ZNF385C: variants seen among roughly 807,000 people sequenced by gnomAD.
ZNF385C encodes zinc finger protein 385C.
A neutral mutation model predicts 35.4 loss-of-function variants in ZNF385C; 28 were observed. That is an observed-to-expected ratio of 0.79 (90% CI 0.59 to 1.08). ZNF385C has a LOEUF of 1.08. ZNF385C is among the 50% of genes least tolerant of loss of function. The probability of loss-of-function intolerance (pLI) is 0.00; values close to 1 mark genes in which losing one functional copy is unlikely to be tolerated. For synonymous variants in ZNF385C, 248 were observed against 248.2 expected, an observed-to-expected ratio of 1.00 and a Z score of 0.01; for missense variants, 605 against 595.6, an observed-to-expected ratio of 1.02 and a Z score of -0.16.
intron 1 of ZNF385C, among the ~76,000 whole-genome samples, chr17:42,075,512 T>C (rs944595344): frequency 2.0e-5 from 3 of 149,810 alleles, no homozygotes; most frequent in Admixed American, 6.6e-5. Context: ...TTTTTTTTTT[T>C]CTGATGGAGT....
chr17:42,092,456 C>T (rs1467778778), intron 1 of ZNF385C, among the ~76,000 whole-genome samples: 2 of 151,976 alleles, frequency 1.3e-5, no homozygotes, highest in Non-Finnish European at 2.9e-5. Context: ...TGGGATGAGG[C>T]AGTTCTGTAT....
At chr17:42,030,856 C>A (rs1423088570) in intron 5 of ZNF385C, among the ~76,000 whole-genome samples, 1 of 141,660 alleles carries the variant, frequency 7.1e-6, no homozygotes, top group Non-Finnish European at 1.6e-5. Flanking sequence ...TGGAGTGATG[C>A]GTCTATAAGC....
chr17:42,040,304 G>T, intron 2 of ZNF385C: 1 of 1,231,738 alleles, frequency 8.1e-7, no homozygotes, highest in Non-Finnish European at 1.0e-6. Flanking sequence ...GAGTAACCGA[G>T]CAGCTCCACG....
chr17:42,051,142 G>T (rs1555657085), intron 2 of ZNF385C, among the ~76,000 whole-genome samples: 1 of 151,924 alleles, frequency 6.6e-6, no homozygotes, highest in Non-Finnish European at 1.5e-5. Flanking sequence ...TGAAGAATTG[G>T]GGTGGGTGGG....
chr17:42,060,847 C>T (rs1408802780), intron 2 of ZNF385C, among the ~76,000 whole-genome samples: 6 of 152,108 alleles, frequency 3.9e-5, no homozygotes, highest in Admixed American at 2.0e-4. Flanking sequence ...TCCCAAGTAG[C>T]GGGGACTACA....
chr17:42,069,532 G>A lies in ZNF385C; in HGVS notation c.-2-6474C>T, dbSNP rs143134096. ...GGCTGCTTCTCCTAAAGAGGTAACC[G>A]GAGAGGAAGGTTCGAGACCTGTCCC... On this transcript the variant is annotated intron_variant, in intron 1 of 8. Transcript: ENST00000692273. Among the ~76,000 whole-genome samples the A allele has an allele frequency of 1.1e-3, 162 of 152,324 alleles. 1 individual carries two copies. Among genetic ancestry groups the A allele is most frequent in the African/African-American group, 3.0e-3 (126 of 41,562 alleles).
intron 1 of ZNF385C, among the ~76,000 whole-genome samples, chr17:42,063,906 C>T (rs1399495890): frequency 6.6e-6 from 1 of 152,152 alleles, no homozygotes; most frequent in Admixed American, 6.5e-5. Flanking sequence ...GTGTGTGAAG[C>T]CATCCCAACC....
intron 1 of ZNF385C, among the ~76,000 whole-genome samples, chr17:42,071,179 G>T (rs1360015135): frequency 7.1e-6 from 1 of 141,628 alleles, no homozygotes; most frequent in African/African-American, 2.8e-5. Context: ...GAGGGGTTCC[G>T]CTGGACACAC....
At chr17:42,080,759 C>T (rs1555659662) in intron 1 of ZNF385C, among the ~76,000 whole-genome samples, 1 of 152,190 alleles carries the variant, frequency 6.6e-6, no homozygotes, top group Non-Finnish European at 1.5e-5. Context: ...TTCCAAGAAA[C>T]GCCCTGAGGA....
At chr17:42,053,645 C>T (rs1197617424) in intron 2 of ZNF385C, among the ~76,000 whole-genome samples, 3 of 152,144 alleles carry the variant, frequency 2.0e-5, no homozygotes, top group African/African-American at 2.4e-5. Context: ...CCTTTGTTCT[C>T]GGCCAGAGTG....
intron 3 of ZNF385C, among the ~76,000 whole-genome samples, chr17:42,036,539 A>G (rs1379975259): frequency 6.6e-6 from 1 of 152,092 alleles, no homozygotes; most frequent in Non-Finnish European, 1.5e-5. Context: ...CTTATATAAA[A>G]ATAAAATAAA....
chr17:42,079,753 C>T (rs930050188), intron 1 of ZNF385C, among the ~76,000 whole-genome samples: 3 of 152,072 alleles, frequency 2.0e-5, no homozygotes, highest in African/African-American at 7.2e-5. Flanking sequence ...TCATTAGTTA[C>T]AGCAGGAGGG....
chr17:42,084,020 C>G (rs2053779413), intron 1 of ZNF385C, among the ~76,000 whole-genome samples: 1 of 152,028 alleles, frequency 6.6e-6, no homozygotes, highest in Non-Finnish European at 1.5e-5. Flanking sequence ...TACCCAGCCA[C>G]TTTTAAAGCC....
Position 42,027,134 on chromosome 17 carries a change from C to A in ZNF385C, c.1276-1G>T, listed in dbSNP as rs782339911. Reference sequence around the variant, plus strand: ...GTTGCTTCTGCAAGGCCAGTTTAGACTACACGGAAAAGAAAGGAATGGACA... The same window carrying A: ...GTTGCTTCTGCAAGGCCAGTTTAGAATACACGGAAAAGAAAGGAATGGACA... On this transcript the variant is annotated splice_acceptor_variant, in intron 8 of 8. Coordinates refer to ENST00000692273, the MANE Select transcript of ZNF385C (RefSeq NM_001392013.1). LOFTEE classifies it high-confidence loss of function. 3.7e-6 allele frequency: 6 copies of A among 1,613,296 alleles called. No homozygotes were observed. Among genetic ancestry groups the A allele is most frequent in the Non-Finnish European group, 4.2e-6 (5 of 1,179,776 alleles).
At chr17:42,074,430 C>T (rs1490277863) in intron 1 of ZNF385C, among the ~76,000 whole-genome samples, 13 of 149,660 alleles carry the variant, frequency 8.7e-5, no homozygotes, top group Admixed American at 4.6e-4. Flanking sequence ...CTCACTCTGT[C>T]GCCCAGGCTG....
At chr17:42,088,566 T>C (rs2053833748) in intron 1 of ZNF385C, among the ~76,000 whole-genome samples, 1 of 151,968 alleles carries the variant, frequency 6.6e-6, no homozygotes, top group Non-Finnish European at 1.5e-5. Flanking sequence ...ATCCCTTCCA[T>C]CCCCCACCCC....
At chr17:42,084,417 T>G (rs2053783875) in intron 1 of ZNF385C, among the ~76,000 whole-genome samples, 1 of 152,080 alleles carries the variant, frequency 6.6e-6, no homozygotes, top group South Asian at 2.1e-4. Flanking sequence ...TTAAACATTT[T>G]TACATCTTTG....
chr17:42,063,927 G>A lies in ZNF385C; in HGVS notation c.-2-869C>T, dbSNP rs536900626. Among the ~76,000 whole-genome samples the A allele has an allele frequency of 5.3e-5, 8 of 152,176 alleles. No individual in the cohort carries two copies. The East Asian group carries it at 1.2e-3, about 22-fold the overall frequency. Reference sequence around the variant, plus strand: ...GAAGCCATCCCAACCCCTGCTCCACGTGGCTCCAGATGCCCCCTGCTGTCT... The same window carrying A: ...GAAGCCATCCCAACCCCTGCTCCACATGGCTCCAGATGCCCCCTGCTGTCT... On this transcript the variant is annotated intron_variant, in intron 1 of 8. Transcript: ENST00000692273.
intron 1 of ZNF385C, among the ~76,000 whole-genome samples, chr17:42,081,399 T>C (rs1276335153): frequency 3.3e-5 from 5 of 152,078 alleles, no homozygotes; most frequent in African/African-American, 1.2e-4. Context: ...GGGATTTTAT[T>C]TTTTTGAGAC....
Sources: allele counts gnomAD v4.1 joint callset (sites outside exome capture counted in the v4.1 genomes callset), GRCh38; gene constraint gnomAD v4.1.1; transcripts MANE v1.5; gene names NCBI Gene and HGNC (gene_info 2026-07-23, HGNC 2026-07-21).